The following BIVM variants were observed in gnomAD, a reference collection of about 807,000 sequenced individuals.
BIVM encodes basic, immunoglobulin-like variable motif containing.
A neutral mutation model predicts 61.4 loss-of-function variants in BIVM; 31 were observed. The ratio of observed to expected loss-of-function variants is 0.51; its 90% CI spans 0.38 to 0.68. The LOEUF is 0.68. Among genes scored for constraint, BIVM ranks in the 30% least tolerant of loss-of-function variants. The pLI, the probability that BIVM is intolerant of heterozygous loss-of-function variation, is 0.00. For missense variants in BIVM, 526 were observed against 596.0 expected (o/e 0.88, Z 1.22); for synonymous variants, 189 against 210.7 (o/e 0.90, Z 0.89).
chr13:102,799,925 C>A (rs113040624), intron 1 of BIVM, among the ~76,000 whole-genome samples: 1 of 152,154 alleles, frequency 6.6e-6, no homozygotes, highest in Non-Finnish European at 1.5e-5. Context: ...GTCCGGGAAC[C>A]AGCGCGCAGC....
intron 4 of BIVM, among the ~76,000 whole-genome samples, chr13:102,817,521 T>G (rs1879945646): frequency 6.6e-6 from 1 of 152,176 alleles, no homozygotes; most frequent in Non-Finnish European, 1.5e-5. Flanking sequence ...CTTTCTCCTC[T>G]GGTACCCTCA....
At chr13:102,824,374 A>G (rs1880509266) in intron 7 of BIVM, among the ~76,000 whole-genome samples, 1 of 152,188 alleles carries the variant, frequency 6.6e-6, no homozygotes, top group Admixed American at 6.5e-5. Context: ...ATACTAGTAA[A>G]GCTTAATTTC....
chr13:102,818,358 A>G (rs1880017817), intron 4 of BIVM, among the ~76,000 whole-genome samples: 1 of 152,174 alleles, frequency 6.6e-6, no homozygotes, highest in Admixed American at 6.5e-5. Context: ...CAGGCTCAAT[A>G]TTTAGATTTT....
chr13:102,832,666 G>A (rs1340119942), intron 8 of BIVM, among the ~76,000 whole-genome samples: 1 of 152,188 alleles, frequency 6.6e-6, no homozygotes, highest in East Asian at 1.9e-4. Context: ...TTCTTAAAGT[G>A]AAGAATATGG....
At chr13:102,826,963 A>G (rs1017046925) in intron 7 of BIVM, among the ~76,000 whole-genome samples, 3 of 152,192 alleles carry the variant, frequency 2.0e-5, no homozygotes, top group Non-Finnish European at 4.4e-5. Context: ...AAGTAAGAAC[A>G]TATACTTTTA....
At chr13:102,837,969 G>C (rs1004876441) in intron 9 of BIVM, among the ~76,000 whole-genome samples, 6 of 151,826 alleles carry the variant, frequency 4.0e-5, no homozygotes, top group Non-Finnish European at 5.9e-5. Context: ...TTGGATGATG[G>C]GTGCACTAAA....
At chr13:102,817,377 T>A (rs1879936179) in intron 4 of BIVM, among the ~76,000 whole-genome samples, 1 of 152,322 alleles carries the variant, frequency 6.6e-6, no homozygotes, top group Admixed American at 6.5e-5. Flanking sequence ...GCAAGAACAC[T>A]GCTTAAGTGG....
rs1228519325 is a variant in BIVM at position 102,841,239 on chromosome 13, T to C, written c.*1374T>C. On this transcript the variant is annotated 3_prime_UTR_variant, in exon 11 of 11. Coordinates refer to ENST00000257336, the MANE Select transcript of BIVM (RefSeq NM_017693.4). ...AGGACTCAAATCAGTAACTTGGTGA[T>C]TACAAGGTGCTGAATGTGTTGGTAA... is the stretch of plus-strand genomic sequence containing the variant. 1 of 152,634 alleles carries C rather than the reference T, an allele frequency of 6.6e-6. No individual in the cohort carries two copies. The highest frequency in any genetic ancestry group is 1.5e-5 in the Non-Finnish European group (1 of 68,032). The allele number at this position is 152,634 out of a possible 1,614,324, so 9.5% of individuals were successfully genotyped here.
chr13:102,837,770 G>A (rs914853128), intron 9 of BIVM, among the ~76,000 whole-genome samples: 3 of 152,184 alleles, frequency 2.0e-5, no homozygotes, highest in East Asian at 3.9e-4. Flanking sequence ...TGGAGCCGGA[G>A]GCCGTTATTC....
intron 3 of BIVM, among the ~76,000 whole-genome samples, chr13:102,813,242 ACATT>A (rs1450873354): frequency 1.3e-5 from 2 of 152,192 alleles, no homozygotes; most frequent in Admixed American, 6.5e-5. Context: ...AAGTTCACAT[ACATT>A]TATGAGATTT....
chr13:102,804,078 C>T (rs1388130415), intron 1 of BIVM, among the ~76,000 whole-genome samples: 2 of 152,212 alleles, frequency 1.3e-5, no homozygotes, highest in African/African-American at 4.8e-5. Context: ...GGTAATATTC[C>T]TATCCAACTG....
chr13:102,818,875 T>G (rs1174441824), intron 4 of BIVM, among the ~76,000 whole-genome samples: 2 of 152,234 alleles, frequency 1.3e-5, no homozygotes, highest in African/African-American at 4.8e-5. Flanking sequence ...AGGCCAAATT[T>G]AGTGTTATGA....
intron 1 of BIVM, among the ~76,000 whole-genome samples, chr13:102,801,185 A>G (rs1314074967): frequency 1.3e-5 from 2 of 151,914 alleles, no homozygotes; most frequent in Non-Finnish European, 2.9e-5. Context: ...TGCTTATGAC[A>G]TGATTTTATG....
intron 9 of BIVM, among the ~76,000 whole-genome samples, chr13:102,837,868 G>A (rs1881587402): frequency 6.6e-6 from 1 of 152,220 alleles, no homozygotes; most frequent in Non-Finnish European, 1.5e-5. Flanking sequence ...AAAGGCATAA[G>A]AATGATATAA....
chr13:102,828,725 G>A (rs1880847990), intron 7 of BIVM, among the ~76,000 whole-genome samples: 1 of 25,148 alleles, frequency 4.0e-5, no homozygotes, highest in Non-Finnish European at 6.0e-4. Flanking sequence ...CCATGTACCA[G>A]TTGTATTTAA....
At chr13:102,815,053 A>G (rs1944016684) in intron 3 of BIVM, among the ~76,000 whole-genome samples, 1 of 152,078 alleles carries the variant, frequency 6.6e-6, no homozygotes. Context: ...CAAAACAAAC[A>G]AACAAACAAA....
Position 102,816,573 on chromosome 13 carries a change from AT to A in BIVM, c.605+26del, listed in dbSNP as rs777454326. ...GACGATGGTGATGTTATCAGTTTTTATTTTTTTCATTTTTGAAATATGTAAT... is the reference window on the plus strand; with the variant it reads ...GACGATGGTGATGTTATCAGTTTTTATTTTTTCATTTTTGAAATATGTAAT... On this transcript the variant is annotated intron_variant, in intron 4 of 10. Coordinates refer to ENST00000257336, the MANE Select transcript of BIVM (RefSeq NM_017693.4). 7.4e-6 allele frequency: 11 copies of A among 1,482,076 alleles called. No homozygotes were observed. Among genetic ancestry groups the A allele is most frequent in the Non-Finnish European group, 8.9e-6 (10 of 1,121,060 alleles). 91.8% of individuals were successfully genotyped at this position (1,482,076 alleles called of 1,614,324 possible).
At position 102,839,715 on chromosome 13, in the gene BIVM, A is replaced by C. The variant is rs776035279; in HGVS notation, c.1362A>C (p.Glu454Asp). Reference sequence around the variant, plus strand: ...AGGGAATTGCCAAATCTGAGAGTGAAGACAATATTTCCAAGAAGCAGCATG... The same window carrying C: ...AGGGAATTGCCAAATCTGAGAGTGACGACAATATTTCCAAGAAGCAGCATG... ...HAQGIAKSESEDNISKKQHGR... is the reference protein window; with the variant it reads ...HAQGIAKSESDDNISKKQHGR... The change falls in exon 11 of 11, where the codon GAA becomes GAC. Residue 454 changes from glutamate (E) to aspartate (D), a missense_variant. Transcript: ENST00000257336. 1 of 1,614,210 alleles carries C rather than the reference A, an allele frequency of 6.2e-7. No individual in the cohort carries two copies. Among genetic ancestry groups the C allele is most frequent in the South Asian group, 1.1e-5 (1 of 91,090 alleles).
intron 9 of BIVM, among the ~76,000 whole-genome samples, chr13:102,835,149 T>C (rs2140499052): frequency 6.6e-6 from 1 of 151,964 alleles, no homozygotes; most frequent in African/African-American, 2.4e-5. Context: ...GAGGCTGAGG[T>C]GGGAGGATCG....
Sources: gnomAD v4.1 joint callset for allele counts (sites outside exome capture counted in the v4.1 genomes callset) on GRCh38, gnomAD v4.1.1 for gene constraint, MANE v1.5 for transcripts, NCBI Gene and HGNC (gene_info 2026-07-23, HGNC 2026-07-21) for gene names.